Variants in SNX29 observed in about 807,000 individuals in gnomAD.
SNX29 encodes sorting nexin-29.
Under a neutral mutation model 102.1 loss-of-function variants are expected in SNX29, and 78 were observed. That is an observed-to-expected ratio of 0.76 (90% confidence interval 0.64 to 0.92). The LOEUF is 0.92. Ranked by LOEUF, SNX29 falls within the 40% of genes least tolerant of loss-of-function variation. The pLI is 0.00. For missense variants in SNX29, 1,280 were observed against 1,061.7 expected (o/e 1.21, Z -2.86); for synonymous variants, 580 against 414.5 (o/e 1.40, Z -4.85).
At chr16:12,299,861 T>C (rs142584006) in intron 15 of SNX29, among the ~76,000 whole-genome samples, 108 of 151,730 alleles carry the variant, frequency 7.1e-4, no homozygotes, top group African/African-American at 2.5e-3. Flanking sequence ...CTTAATGGCA[T>C]AAATAAAATT....
chr16:12,406,089 G>A (rs1404248928), intron 18 of SNX29, among the ~76,000 whole-genome samples: 1 of 151,398 alleles, frequency 6.6e-6, no homozygotes, highest in Non-Finnish European at 1.5e-5. Context: ...ATAATTTCTA[G>A]AGAAACGTCT....
chr16:12,465,034 A>G (rs1417334511), intron 18 of SNX29, among the ~76,000 whole-genome samples: 2 of 152,122 alleles, frequency 1.3e-5, no homozygotes, highest in African/African-American at 2.4e-5. Flanking sequence ...CTTGTAGGCT[A>G]TGTGTGTCTT....
intron 14 of SNX29, among the ~76,000 whole-genome samples, chr16:12,269,327 C>T (rs2079024126): frequency 6.6e-6 from 1 of 152,184 alleles, no homozygotes; most frequent in Non-Finnish European, 1.5e-5. Flanking sequence ...ATAGCATCAC[C>T]ATCTTCACAT....
chr16:12,523,485 G>A (rs530563597), intron 19 of SNX29, among the ~76,000 whole-genome samples: 10 of 152,220 alleles, frequency 6.6e-5, no homozygotes, highest in Non-Finnish European at 1.3e-4. Flanking sequence ...TCACTGCCCA[G>A]GGTGTCTTTG....
intron 13 of SNX29, among the ~76,000 whole-genome samples, chr16:12,189,121 T>C (rs1393573429): frequency 6.6e-6 from 1 of 152,204 alleles, no homozygotes; most frequent in Non-Finnish European, 1.5e-5. Flanking sequence ...GCTTTTTACT[T>C]TTTAATTTTT....
At chr16:12,324,689 A>G (rs1208847414) in intron 15 of SNX29, among the ~76,000 whole-genome samples, 1 of 151,974 alleles carries the variant, frequency 6.6e-6, no homozygotes, top group African/African-American at 2.4e-5. Context: ...GTTGACTTTA[A>G]AGCTCTATTC....
chr16:12,484,116 C>A (rs990033489), intron 19 of SNX29, among the ~76,000 whole-genome samples: 6 of 152,216 alleles, frequency 3.9e-5, no homozygotes, highest in Non-Finnish European at 8.8e-5. Context: ...CACCTGCTTC[C>A]TGCATCCCTG....
chr16:12,384,722 A>C (rs1049653132), intron 16 of SNX29, among the ~76,000 whole-genome samples: 1 of 152,122 alleles, frequency 6.6e-6, no homozygotes, highest in Non-Finnish European at 1.5e-5. Flanking sequence ...TTTGAACTTG[A>C]TGTGATCCCA....
chr16:12,121,732 G>A (rs2053981835), intron 11 of SNX29, among the ~76,000 whole-genome samples: 1 of 152,212 alleles, frequency 6.6e-6, no homozygotes, highest in African/African-American at 2.4e-5. Flanking sequence ...GGCGACAGAG[G>A]AGCCTCCAGC....
intron 10 of SNX29, among the ~76,000 whole-genome samples, chr16:12,071,605 A>C (rs1241534418): frequency 1.3e-5 from 2 of 152,184 alleles, no homozygotes; most frequent in Non-Finnish European, 2.9e-5. Flanking sequence ...CGGTAGCGTG[A>C]TGCCTCCAGC....
At chr16:12,062,261 C>A (rs1489662977) in intron 9 of SNX29, among the ~76,000 whole-genome samples, 1 of 151,748 alleles carries the variant, frequency 6.6e-6, no homozygotes, top group Non-Finnish European at 1.5e-5. Context: ...TGCCTGTAGT[C>A]CCAGCTACTC....
rs758827865 is a variant in SNX29 at position 12,282,083 on chromosome 16, C to CAAAA, written c.1782+4069_1782+4072dup. On this transcript the variant is annotated intron_variant, in intron 15 of 20. Coordinates refer to ENST00000566228, the MANE Select transcript of SNX29 (RefSeq NM_032167.5). ...TGGGCGACAGAGTGAGACTCCATCT[C>CAAAA]AAAAAAAAAAAAAAAAAAAAAAAAA... Among the ~76,000 whole-genome samples the CAAAA allele has an allele frequency of 2.1e-4, 13 of 62,060 alleles. 1 individual carries two copies. Among genetic ancestry groups the CAAAA allele is most frequent in the Admixed American group, 4.6e-4 (2 of 4,344 alleles). 40.7% of individuals were successfully genotyped at this position (62,060 alleles called of 152,430 possible).
chr16:12,393,408 G>GCATTCATTCATTCATTCATT (rs879644508), intron 16 of SNX29, among the ~76,000 whole-genome samples: 1 of 138,078 alleles, frequency 7.2e-6, no homozygotes, highest in African/African-American at 2.5e-5. Context: ...ATGCATGCAT[G>GCATTCATTCATTCATTCATT]CATGCATTCA....
chr16:12,525,709 C>CCAA (rs1491433189), intron 20 of SNX29, among the ~76,000 whole-genome samples: 1 of 121,336 alleles, frequency 8.2e-6, no homozygotes, highest in African/African-American at 3.3e-5. Flanking sequence ...CCCCCCCCCC[C>CCAA]AAAAAAAAGA....
intron 13 of SNX29, among the ~76,000 whole-genome samples, chr16:12,196,613 T>C (rs1361065908): frequency 8.2e-6 from 1 of 121,828 alleles, no homozygotes; most frequent in Non-Finnish European, 1.8e-5. Flanking sequence ...CTTTTCTTTT[T>C]TCTTTTTTCT....
intron 20 of SNX29, chr16:12,560,739 C>T (rs192931033): frequency 3.5e-5 from 6 of 169,286 alleles, no homozygotes. Flanking sequence ...CAAAACCAAC[C>T]TCTGCTCCTG....
intron 16 of SNX29, among the ~76,000 whole-genome samples, chr16:12,390,149 G>GGTGTGTGTGTGTGTGT (rs34547147): frequency 2.0e-4 from 29 of 145,676 alleles, no homozygotes; most frequent in African/African-American, 5.6e-4. Flanking sequence ...GCAATTGAGG[G>GGTGTGTGTGTGTGTGT]GTGTGTGTGT....
intron 11 of SNX29, among the ~76,000 whole-genome samples, chr16:12,119,266 C>T (rs1383714669): frequency 1.3e-5 from 2 of 152,166 alleles, no homozygotes; most frequent in Admixed American, 1.3e-4. Flanking sequence ...TCCCTGGAGG[C>T]CCTGTCTGTA....
At chr16:12,111,430 C>T (rs768532954) in intron 11 of SNX29, among the ~76,000 whole-genome samples, 6 of 152,230 alleles carry the variant, frequency 3.9e-5, no homozygotes, top group Admixed American at 6.5e-5. Flanking sequence ...AGCCGTTCCT[C>T]AGACTTGCCA....
Sources: gnomAD v4.1 joint callset for allele counts (sites outside exome capture counted in the v4.1 genomes callset) on GRCh38, gnomAD v4.1.1 for gene constraint, MANE v1.5 for transcripts, NCBI Gene and HGNC (gene_info 2026-07-23, HGNC 2026-07-21) for gene names.